Variants in PCDHGA3 observed in about 807,000 individuals in gnomAD.
PCDHGA3 encodes the protein protocadherin gamma subfamily A, 3.
PCDHGA3 carries 40 observed loss-of-function variants against 58.5 expected under a neutral mutation model. The observed-to-expected ratio is 0.68, with a 90% CI of 0.53 to 0.89. The LOEUF (loss-of-function observed/expected upper bound fraction) is 0.89, where lower values mean the gene tolerates loss of function less well. PCDHGA3 is among the 40% of genes least tolerant of loss of function. The pLI is 0.00. For missense variants in PCDHGA3, 1,223 were observed against 1,195.9 expected, an observed-to-expected ratio of 1.02 and a Z score of -0.33; for synonymous variants, 530 against 525.7, an observed-to-expected ratio of 1.01 and a Z score of -0.11.
intron 1 of PCDHGA3, chr5:141,360,512 T>A (rs551303336): frequency 6.2e-7 from 1 of 1,613,978 alleles, no homozygotes. Context: ...GTGCAGGATA[T>A]AAATGATAAT....
intron 1 of PCDHGA3, among the ~76,000 whole-genome samples, chr5:141,436,150 T>A (rs1270913305): frequency 6.6e-6 from 1 of 152,182 alleles, no homozygotes; most frequent in African/African-American, 2.4e-5. Flanking sequence ...ACTACCAAAA[T>A]GTTTATCATA....
At chr5:141,481,703 C>T (rs909197135) in intron 1 of PCDHGA3, among the ~76,000 whole-genome samples, 1 of 152,090 alleles carries the variant, frequency 6.6e-6, no homozygotes, top group Admixed American at 6.5e-5. Context: ...CCTGTAATCC[C>T]AGCACTTTGG....
intron 1 of PCDHGA3, chr5:141,399,671 C>T (rs764084700): frequency 1.2e-6 from 2 of 1,613,512 alleles, no homozygotes; most frequent in East Asian, 4.5e-5. Flanking sequence ...GCGCAGCGCG[C>T]CTTTGACTAC....
chr5:141,463,364 T>C (rs1166107031), intron 1 of PCDHGA3, among the ~76,000 whole-genome samples: 2 of 150,250 alleles, frequency 1.3e-5, no homozygotes, highest in Admixed American at 6.6e-5. Context: ...TCCCCTTTCC[T>C]GCCCCACAGT....
chr5:141,429,510 T>A (rs2097220128), intron 1 of PCDHGA3, among the ~76,000 whole-genome samples: 1 of 152,124 alleles, frequency 6.6e-6, no homozygotes, highest in African/African-American at 2.4e-5. Context: ...AAACTGTGCC[T>A]GGCAGAGAAA....
At chr5:141,422,459 T>C (rs1368153179) in intron 1 of PCDHGA3, 1 of 1,613,448 alleles carries the variant, frequency 6.2e-7, no homozygotes, top group South Asian at 1.1e-5. Context: ...AGCAGAGTGC[T>C]GGACAGGGAG....
At chr5:141,357,306 C>T in intron 1 of PCDHGA3, 5 of 1,614,076 alleles carry the variant, frequency 3.1e-6, no homozygotes, top group Non-Finnish European at 4.2e-6. Context: ...CTGTCTCCTG[C>T]GTCTTCCTGG....
chr5:141,474,321 A>G (rs75620387), intron 1 of PCDHGA3, among the ~76,000 whole-genome samples: 2,046 of 152,326 alleles, frequency 0.013, 15 homozygotes, highest in Middle Eastern at 0.034. Context: ...GTGTTTTCAA[A>G]TCACCCTGAT....
chr5:141,446,936 C>G (rs935365668), intron 1 of PCDHGA3, among the ~76,000 whole-genome samples: 3 of 152,176 alleles, frequency 2.0e-5, no homozygotes, highest in African/African-American at 7.2e-5. Context: ...CTCTTTTTCA[C>G]TGTAAGAAAC....
rs765586654 is a variant in PCDHGA3 at position 141,421,994 on chromosome 5, T to C, written c.2425-72813T>C. 8 of 1,608,922 alleles carry C rather than the reference T, an allele frequency of 5.0e-6. No homozygotes were observed. In the African/African-American group the frequency reaches 5.4e-5, roughly 11 times the overall value. On this transcript the variant is annotated intron_variant, in intron 1 of 3. Coordinates refer to ENST00000253812, the MANE Select transcript of PCDHGA3 (RefSeq NM_018916.4). ...TATCGCGTGAGTGTTCCAGAAAACA[T>C]CAGCTCCGGAACTCGGGTGCTGATG...
intron 1 of PCDHGA3, chr5:141,408,377 C>A: frequency 6.2e-7 from 1 of 1,614,020 alleles, no homozygotes; most frequent in Non-Finnish European, 8.5e-7. Flanking sequence ...GCTCAGTGTC[C>A]TGGATGTGTC....
chr5:141,423,201 C>G, intron 1 of PCDHGA3: 1 of 1,613,628 alleles, frequency 6.2e-7, no homozygotes, highest in Non-Finnish European at 8.5e-7. Context: ...TCTCGGCCAC[C>G]GTCACGCTCA....
At chr5:141,377,359 T>A (rs1773912257) in intron 1 of PCDHGA3, 1 of 152,146 alleles carries the variant, frequency 6.6e-6, no homozygotes, top group South Asian at 2.1e-4. Flanking sequence ...TAATCCCACC[T>A]CTTCAGGAGG....
chr5:141,432,870 T>C lies in PCDHGA3; in HGVS notation c.2425-61937T>C, dbSNP rs1022024380. The stretch of plus-strand genomic sequence containing the variant: ...GCGGTGGCCGCGGTCTCCTGCGTCT[T>C]CCTGGCCTTCGTCATCTTGCTGCTG... On this transcript the variant is annotated intron_variant, in intron 1 of 3. Transcript: ENST00000253812. This position sits in a 1 kb window ranked among gnomAD's most constrained non-coding sequence, Gnocchi z 6.0. The C allele has an allele frequency of 1.9e-6, 3 of 1,614,030 alleles. No homozygotes were observed. In the African/African-American group the frequency reaches 4.0e-5, roughly 22 times the overall value.
At chr5:141,495,697 A>G (rs1010733016) in intron 2 of PCDHGA3, among the ~76,000 whole-genome samples, 1 of 152,086 alleles carries the variant, frequency 6.6e-6, no homozygotes, top group Non-Finnish European at 1.5e-5. Flanking sequence ...AGTGCTCAAT[A>G]AATGTGGAGT....
chr5:141,509,577 C>G (rs569743928), intron 3 of PCDHGA3, among the ~76,000 whole-genome samples: 2 of 152,320 alleles, frequency 1.3e-5, no homozygotes, highest in African/African-American at 2.4e-5. Context: ...ACAGTGCGTA[C>G]AAATCAGCTG....
chr5:141,427,956 C>T, intron 1 of PCDHGA3: 1 of 1,587,304 alleles, frequency 6.3e-7, no homozygotes, highest in African/African-American at 1.3e-5. Context: ...TGACAATGTG[C>T]CGCGGGTGCT....
chr5:141,392,762 G>A lies in PCDHGA3; in HGVS notation c.2424+46305G>A, dbSNP rs1033759244. 8.8e-6 allele frequency: 13 copies of A among 1,478,030 alleles called. No individual in the cohort carries two copies. The African/African-American group carries it at 1.3e-4, about 14-fold the overall frequency. The allele number at this position is 1,478,030 out of a possible 1,614,324, so 91.6% of individuals were successfully genotyped here. ...ATAGCTGCGGCAAGAAACTAAATAA[G>A]ACCCATTTATGCACAGTGAAGATTC... On this transcript the variant is annotated intron_variant, in intron 1 of 3. Coordinates refer to ENST00000253812, the MANE Select transcript of PCDHGA3 (RefSeq NM_018916.4).
In PCDHGA3 at chr5:141,388,444, A is replaced by G. The variant is rs1034138913; in HGVS notation, c.2424+41987A>G. 28 of 1,613,890 alleles carry G rather than the reference A, an allele frequency of 1.7e-5. No individual in the cohort carries two copies. Among genetic ancestry groups the G allele is most frequent in the Non-Finnish European group, 2.4e-5 (28 of 1,179,886 alleles). Reference sequence around the variant, plus strand: ...TCACTGATAAATAAAGAGAAATCAGATGGCAGTAAATACCCTGAGATGGTA... The same window carrying G: ...TCACTGATAAATAAAGAGAAATCAGGTGGCAGTAAATACCCTGAGATGGTA... On this transcript the variant is annotated intron_variant, in intron 1 of 3. Transcript: ENST00000253812.
Sources: allele counts gnomAD v4.1 joint callset (sites outside exome capture counted in the v4.1 genomes callset), GRCh38; gene constraint gnomAD v4.1.1; non-coding constraint Gnocchi (gnomAD v3.1); transcripts MANE v1.5; gene names NCBI Gene and HGNC (gene_info 2026-07-23, HGNC 2026-07-21).